KCNIP4: variants seen among roughly 807,000 people sequenced by gnomAD.
The protein encoded by KCNIP4 is Kv channel-interacting protein 4.
KCNIP4 carries 12 observed loss-of-function variants against 34.0 expected under a neutral mutation model. That is an observed-to-expected ratio of 0.35 (90% CI 0.23 to 0.57). The LOEUF (loss-of-function observed/expected upper bound fraction) is 0.57. KCNIP4 is among the 20% of genes least tolerant of loss of function. The pLI, the probability that KCNIP4 is intolerant of heterozygous loss-of-function variation, is 0.83. For missense variants in KCNIP4, 238 were observed against 311.7 expected (o/e 0.76, Z 1.78); for synonymous variants, 124 against 102.2 (o/e 1.21, Z -1.29).
At chr4:21,900,872 C>T (rs537455905) in intron 1 of KCNIP4, among the ~76,000 whole-genome samples, 1 of 152,278 alleles carries the variant, frequency 6.6e-6, no homozygotes, top group African/African-American at 2.4e-5. Context: ...ACTTTAATGA[C>T]TACAACAGTT....
chr4:21,894,790 A>G (rs1023616731), intron 1 of KCNIP4, among the ~76,000 whole-genome samples: 1 of 152,204 alleles, frequency 6.6e-6, no homozygotes, highest in Admixed American at 6.5e-5. Flanking sequence ...CTAAACTTTA[A>G]TCTTTTACAC....
At chr4:21,043,355 A>T (rs1742125399) in intron 1 of KCNIP4, among the ~76,000 whole-genome samples, 1 of 152,158 alleles carries the variant, frequency 6.6e-6, no homozygotes, top group African/African-American at 2.4e-5. Context: ...TTTGAGACGG[A>T]GTCTCACTCT....
chr4:21,764,246 C>G (rs531856420), intron 1 of KCNIP4, among the ~76,000 whole-genome samples: 2 of 152,080 alleles, frequency 1.3e-5, no homozygotes, highest in East Asian at 1.9e-4. Flanking sequence ...CAGAATGTGG[C>G]CATAACACCA....
chr4:21,817,237 T>C (rs1419965926), intron 1 of KCNIP4, among the ~76,000 whole-genome samples: 2 of 152,192 alleles, frequency 1.3e-5, no homozygotes, highest in Non-Finnish European at 2.9e-5. Flanking sequence ...ACATAAGTTT[T>C]GAAGATTTCA....
chr4:21,661,114 C>A (rs997489502), intron 1 of KCNIP4, among the ~76,000 whole-genome samples: 2 of 152,132 alleles, frequency 1.3e-5, no homozygotes, highest in Admixed American at 6.5e-5. Flanking sequence ...AAGAGAAGTT[C>A]TTCTGGGACG....
chr4:21,665,453 T>TA (rs1459359599), intron 1 of KCNIP4, among the ~76,000 whole-genome samples: 1 of 151,866 alleles, frequency 6.6e-6, no homozygotes, highest in Non-Finnish European at 1.5e-5. Context: ...ATTGCCAACT[T>TA]AAAAAGAAGT....
chr4:21,585,159 G>T (rs1266034182), intron 1 of KCNIP4, among the ~76,000 whole-genome samples: 3 of 151,954 alleles, frequency 2.0e-5, no homozygotes, highest in Non-Finnish European at 4.4e-5. Context: ...TAAGCATTTG[G>T]CATGTAACTG....
rs376390912 is a variant in KCNIP4 at position 21,293,791 on chromosome 4, A to G, written c.62-411082T>C. 1.7e-4 allele frequency among the ~76,000 whole-genome samples: 26 copies of G among 152,336 alleles called. No individual in the cohort carries two copies. The South Asian group carries it at 2.3e-3, about 13-fold the overall frequency. On this transcript the variant is annotated intron_variant, in intron 1 of 8. Transcript: ENST00000382152. ...TAAAAAATCATATGTAAAATTGGGC[A>G]TGGAAGTTAACATTTATTTAGACTA...
intron 3 of KCNIP4, among the ~76,000 whole-genome samples, chr4:20,762,446 C>T (rs1755030781): frequency 6.6e-6 from 1 of 151,992 alleles, no homozygotes; most frequent in Non-Finnish European, 1.5e-5. Flanking sequence ...TTATTTATTC[C>T]CAGAGATTTT....
intron 1 of KCNIP4, among the ~76,000 whole-genome samples, chr4:20,920,662 A>G (rs965868748): frequency 9.2e-5 from 14 of 152,174 alleles, no homozygotes; most frequent in African/African-American, 3.4e-4. Context: ...ATGGAGAGTG[A>G]GTGAGAATGA....
intron 1 of KCNIP4, among the ~76,000 whole-genome samples, chr4:21,725,293 C>T (rs1165321048): frequency 1.3e-5 from 2 of 152,154 alleles, no homozygotes; most frequent in Non-Finnish European, 2.9e-5. Flanking sequence ...ACAACATTCA[C>T]ACCATTTGTG....
At position 21,537,785 on chromosome 4, in the gene KCNIP4, G is replaced by A. The variant is rs551958913; in HGVS notation, c.61+410786C>T. On this transcript the variant is annotated intron_variant, in intron 1 of 8. Coordinates refer to ENST00000382152, the MANE Select transcript of KCNIP4 (RefSeq NM_025221.6). ...TCCCTGAACTTTGGGAGGCCAAGGC[G>A]GCCGGATCACGAGGTCAGGAGATCG... Among the ~76,000 whole-genome samples, 247 of 152,014 alleles carry A rather than the reference G, an allele frequency of 1.6e-3. 10 individuals are homozygous for A. In the South Asian group the frequency reaches 0.044, roughly 27 times the overall value.
At chr4:20,953,803 C>G (rs923971445) in intron 1 of KCNIP4, among the ~76,000 whole-genome samples, 2 of 152,200 alleles carry the variant, frequency 1.3e-5, no homozygotes, top group Non-Finnish European at 2.9e-5. Context: ...TTCCCCCAAA[C>G]TCAAGAACTC....
At chr4:21,025,067 G>C (rs1740401331) in intron 1 of KCNIP4, among the ~76,000 whole-genome samples, 1 of 152,106 alleles carries the variant, frequency 6.6e-6, no homozygotes, top group Non-Finnish European at 1.5e-5. Flanking sequence ...TTTACCAGTA[G>C]GTCAAAGAAG....
intron 1 of KCNIP4, among the ~76,000 whole-genome samples, chr4:20,922,521 CTGTCTG>C (rs1729489857): frequency 1.8e-5 from 1 of 54,890 alleles, no homozygotes; most frequent in Non-Finnish European, 3.8e-5. Context: ...GTGTGACTGT[CTGTCTG>C]TCTGTCTGTC....
chr4:20,882,590 A>AAG lies in KCNIP4; in HGVS notation c.163+17_163+18insCT, dbSNP rs766232861. The AAG allele has an allele frequency of 6.3e-7, 1 of 1,589,066 alleles. No homozygotes were observed. Among genetic ancestry groups the AAG allele is most frequent in the African/African-American group, 1.3e-5 (1 of 74,144 alleles). ...CAAGAGTTTCGGAGGAAAAAAAAAA[A>AAG]CAAAAAAACAAACTTGCTTTGAATA... On this transcript the variant is annotated intron_variant, in intron 2 of 8. Transcript: ENST00000382152.
At chr4:21,764,902 A>AT (rs1211011912) in intron 1 of KCNIP4, among the ~76,000 whole-genome samples, 1 of 151,914 alleles carries the variant, frequency 6.6e-6, no homozygotes. Flanking sequence ...GGAGAAGAAG[A>AT]TTTTCCATGG....
At chr4:21,383,682 C>G (rs548296663) in intron 1 of KCNIP4, among the ~76,000 whole-genome samples, 1 of 152,072 alleles carries the variant, frequency 6.6e-6, no homozygotes, top group Admixed American at 6.6e-5. Flanking sequence ...GGTTAAAATA[C>G]CTTCCGATTT....
At chr4:21,097,171 T>C (rs189116511) in intron 1 of KCNIP4, among the ~76,000 whole-genome samples, 2 of 152,184 alleles carry the variant, frequency 1.3e-5, no homozygotes, top group African/African-American at 2.4e-5. Flanking sequence ...TTATTCACAA[T>C]AGCCAAAAAG....
Sources: allele counts gnomAD v4.1 joint callset (sites outside exome capture counted in the v4.1 genomes callset), GRCh38; gene constraint gnomAD v4.1.1; transcripts MANE v1.5; gene names NCBI Gene and HGNC (gene_info 2026-07-23, HGNC 2026-07-21).